Variants in MARK3 observed in about 807,000 individuals in gnomAD.
MARK3 encodes the protein microtubule affinity regulating kinase 3, also known as MAP/microtubule affinity-regulating kinase 3.
A neutral mutation model predicts 90.1 loss-of-function variants in MARK3; 46 were observed. That is an observed-to-expected ratio of 0.51 (90% CI 0.40 to 0.65). The LOEUF is 0.65. Among genes scored for constraint, MARK3 ranks in the 30% least tolerant of loss-of-function variants. MARK3 has a pLI of 0.00. For synonymous variants in MARK3, 321 were observed against 332.6 expected (o/e 0.97, Z 0.38); for missense variants, 818 against 947.2 (o/e 0.86, Z 1.79).
intron 14 of MARK3, among the ~76,000 whole-genome samples, chr14:103,487,952 G>A (rs1428923650): frequency 2.0e-5 from 3 of 152,110 alleles, no homozygotes; most frequent in South Asian, 4.2e-4. Flanking sequence ...GGAGACTGAG[G>A]CAGGAGAATG....
intron 1 of MARK3, among the ~76,000 whole-genome samples, chr14:103,389,520 T>C (rs1157459560): frequency 4.0e-5 from 1 of 25,204 alleles, no homozygotes; most frequent in Non-Finnish European, 8.2e-5. Flanking sequence ...AGAGTAAGAC[T>C]CTGTCTCCAA....
chr14:103,491,848 T>G lies in MARK3; in HGVS notation c.1658T>G (p.Ile553Ser), dbSNP rs768946849. The change falls in exon 15 of 18, where the codon ATC (isoleucine) becomes AGC (serine). Residue 553 changes from isoleucine (I) to serine (S), a missense_variant. This residue lies in a region of MARK3 where 560 missense variants were observed against 613.5 expected (regional missense o/e 0.91). Coordinates refer to ENST00000429436, the MANE Select transcript of MARK3 (RefSeq NM_001128918.3). ...SISSAATPDR[I>S]RFPRGTASRS... ...AGTAGTGCAGCCACCCCAGATCGAA[T>G]CCGCTTCCCAAGAGGCACTGCCAGT... 6.2e-7 allele frequency: 1 copy of G among 1,614,168 alleles called. No individual in the cohort carries two copies. The highest frequency in any genetic ancestry group is 8.5e-7 in the Non-Finnish European group (1 of 1,180,038).
In MARK3 at chr14:103,396,762, C is replaced by T. The variant is rs1178508802; in HGVS notation, c.52-8314C>T. Among the ~76,000 whole-genome samples the T allele has an allele frequency of 2.0e-5, 3 of 152,170 alleles. No homozygotes were observed. The East Asian group carries it at 5.8e-4, about 29-fold the overall frequency. ...AACTCTCCTACTTGCCCTTTGAGGA[C>T]TCCATCCCTTCACATCTTGGGGTAC... On this transcript the variant is annotated intron_variant, in intron 1 of 17. Transcript: ENST00000429436.
chr14:103,493,717 A>G (rs2075145318), intron 15 of MARK3, among the ~76,000 whole-genome samples: 1 of 151,618 alleles, frequency 6.6e-6, no homozygotes, highest in South Asian at 2.1e-4. Flanking sequence ...TCTACTAAAA[A>G]TACAAAAATT....
intron 2 of MARK3, among the ~76,000 whole-genome samples, chr14:103,417,926 G>A (rs537602756): frequency 5.3e-5 from 8 of 152,196 alleles, no homozygotes; most frequent in African/African-American, 1.9e-4. Flanking sequence ...AAAATTAGCT[G>A]GGCGTGGTGG....
intron 3 of MARK3, among the ~76,000 whole-genome samples, chr14:103,430,682 C>G (rs922567131): frequency 1.3e-5 from 2 of 152,102 alleles, no homozygotes; most frequent in South Asian, 2.1e-4. Context: ...GTTAAAATAT[C>G]GGTTTCATGA....
intron 2 of MARK3, among the ~76,000 whole-genome samples, chr14:103,405,729 A>G (rs2091247153): frequency 6.7e-6 from 1 of 150,200 alleles, no homozygotes; most frequent in Non-Finnish European, 1.5e-5. Context: ...TTACAGGCGC[A>G]CACCACCACA....
intron 1 of MARK3, among the ~76,000 whole-genome samples, chr14:103,394,922 A>G (rs921881419): frequency 2.0e-5 from 3 of 152,106 alleles, no homozygotes; most frequent in Admixed American, 2.0e-4. Context: ...AGCTGGGATT[A>G]CAGGCACCCG....
chr14:103,389,485 G>A (rs1304710530), intron 1 of MARK3, among the ~76,000 whole-genome samples: 1 of 123,482 alleles, frequency 8.1e-6, no homozygotes, highest in Non-Finnish European at 1.6e-5. Context: ...CCGATATCAT[G>A]CCACTGCACT....
At chr14:103,479,628 C>T (rs1295775232) in intron 13 of MARK3, among the ~76,000 whole-genome samples, 5 of 78,234 alleles carry the variant, frequency 6.4e-5, no homozygotes, top group South Asian at 6.2e-4. Context: ...ATACGTATAG[C>T]TTTTTTTTTT....
intron 1 of MARK3, among the ~76,000 whole-genome samples, chr14:103,395,098 C>G (rs1168815589): frequency 6.6e-6 from 1 of 152,096 alleles, no homozygotes. Flanking sequence ...ACACTACTTT[C>G]CTGAAGGGAT....
At chr14:103,438,881 A>C (rs2092780694) in intron 3 of MARK3, among the ~76,000 whole-genome samples, 1 of 151,702 alleles carries the variant, frequency 6.6e-6, no homozygotes, top group African/African-American at 2.4e-5. Flanking sequence ...CTAGCTACTT[A>C]GGGGGCTGAG....
intron 1 of MARK3, among the ~76,000 whole-genome samples, chr14:103,399,533 T>C (rs899197260): frequency 6.6e-6 from 1 of 151,798 alleles, no homozygotes; most frequent in African/African-American, 2.4e-5. Context: ...TCGTCTCTAC[T>C]AAAAATACGA....
intron 14 of MARK3, 127 bp from the exon 15 acceptor site, chr14:103,491,650 C>A: frequency 2.1e-6 from 2 of 948,156 alleles, no homozygotes; most frequent in Non-Finnish European, 3.1e-6. Context: ...GCTCCTAAGT[C>A]CTATAAAATA....
At chr14:103,465,223 C>G (rs2093480434) in intron 7 of MARK3, among the ~76,000 whole-genome samples, 1 of 152,206 alleles carries the variant, frequency 6.6e-6, no homozygotes, top group African/African-American at 2.4e-5. Context: ...CCACCTCGGC[C>G]TCCCAAAGTG....
chr14:103,447,971 C>A (rs1270566970), intron 3 of MARK3, among the ~76,000 whole-genome samples: 6 of 152,126 alleles, frequency 3.9e-5, no homozygotes, highest in African/African-American at 1.4e-4. Flanking sequence ...TGGGGTTTCA[C>A]CATGTTGCCC....
chr14:103,459,166 C>A (rs2093343798), intron 6 of MARK3, among the ~76,000 whole-genome samples: 1 of 152,164 alleles, frequency 6.6e-6, no homozygotes, highest in African/African-American at 2.4e-5. Context: ...TCAGATGAAT[C>A]TGACTTGCAA....
chr14:103,477,984 G>T (rs1250445859), intron 13 of MARK3, among the ~76,000 whole-genome samples: 1 of 129,348 alleles, frequency 7.7e-6, no homozygotes, highest in Non-Finnish European at 1.6e-5. Context: ...GGGCAACAGA[G>T]CAAGACCCTG....
intron 1 of MARK3, among the ~76,000 whole-genome samples, chr14:103,389,301 T>C (rs2140434498): frequency 6.6e-6 from 1 of 151,368 alleles, no homozygotes; most frequent in East Asian, 1.9e-4. Context: ...GAGGCAGAGC[T>C]TGCAGTGAGC....
Sources: allele counts gnomAD v4.1 joint callset (sites outside exome capture counted in the v4.1 genomes callset), GRCh38; gene constraint gnomAD v4.1.1; regional missense constraint gnomAD v4.1.1; transcripts MANE v1.5; gene names NCBI Gene and HGNC (gene_info 2026-07-23, HGNC 2026-07-21).